SLC1A2: variants seen among roughly 807,000 people sequenced by gnomAD.
The protein encoded by SLC1A2 is solute carrier family 1 member 2, also known as excitatory amino acid transporter 2.
SLC1A2 carries 15 observed loss-of-function variants against 48.8 expected under a neutral mutation model. That is an observed-to-expected ratio of 0.31 (90% CI 0.21 to 0.47). SLC1A2 has a LOEUF of 0.47. Among genes scored for constraint, SLC1A2 ranks in the 20% least tolerant of loss-of-function variants. SLC1A2 has a pLI of 0.99. For missense variants in SLC1A2, 502 were observed against 730.5 expected, an observed-to-expected ratio of 0.69 and a Z score of 3.61; for synonymous variants, 279 against 272.6, an observed-to-expected ratio of 1.02 and a Z score of -0.23.
At chr11:35,306,021 G>A in intron 5 of SLC1A2, 53 bp downstream of exon 5, 1 of 1,553,368 alleles carries the variant, frequency 6.4e-7, no homozygotes, top group Non-Finnish European at 8.9e-7. Context: ...GGGAGTGCAG[G>A]ATAGCCCAGC....
Position 35,419,061 on chromosome 11 carries a change from G to T in SLC1A2, c.-95C>A. ...GGGTGAGCGCGAAGTGCGGCCGGGA[G>T]CGGTATTTAAGAGGAGCCTCTGCCC... On this transcript the variant is annotated 5_prime_UTR_variant, in exon 1 of 11. Coordinates refer to ENST00000278379, the MANE Select transcript of SLC1A2 (RefSeq NM_004171.4). The surrounding 1 kb of genome is among the most constrained non-coding windows in gnomAD (Gnocchi z 5.4). 8.2e-7 allele frequency: 1 copy of T among 1,226,254 alleles called. No homozygotes were observed. The highest frequency in any genetic ancestry group is 1.2e-6 in the Non-Finnish European group (1 of 862,608). The allele number at this position is 1,226,254 out of a possible 1,614,324, so 76.0% of individuals were successfully genotyped here.
intron 1 of SLC1A2, among the ~76,000 whole-genome samples, chr11:35,330,161 C>T (rs528012222): frequency 2.0e-5 from 3 of 152,306 alleles, no homozygotes; most frequent in African/African-American, 7.2e-5. Flanking sequence ...GAAGTTTCTG[C>T]TCAGGGTTTT....
In SLC1A2 at chr11:35,364,328, C is replaced by T. The variant is rs1590231768; in HGVS notation, c.18-46812G>A. Among the ~76,000 whole-genome samples the T allele has an allele frequency of 2.6e-5, 4 of 152,206 alleles. No homozygotes were observed. In the East Asian group the frequency reaches 7.7e-4, roughly 29 times the overall value. Reference sequence around the variant, plus strand: ...GATTCATCATCTACCCATGTAGACTCACACTGAGAAGCCAGCTCAGATACT... The same window carrying T: ...GATTCATCATCTACCCATGTAGACTTACACTGAGAAGCCAGCTCAGATACT... On this transcript the variant is annotated intron_variant, in intron 1 of 10. Coordinates refer to ENST00000278379, the MANE Select transcript of SLC1A2 (RefSeq NM_004171.4).
intron 1 of SLC1A2, among the ~76,000 whole-genome samples, chr11:35,368,875 G>GTCT (rs1386262742): frequency 2.2e-4 from 34 of 152,322 alleles, no homozygotes; most frequent in Admixed American, 2.2e-3. Flanking sequence ...CAGAGGTCTT[G>GTCT]TCTAGCACCA....
At chr11:35,291,641 T>A (rs1293004110) in intron 7 of SLC1A2, 3 of 152,614 alleles carry the variant, frequency 2.0e-5, no homozygotes, top group Non-Finnish European at 4.4e-5. Flanking sequence ...AAGATGATAG[T>A]CCAAAAAATG....
intron 4 of SLC1A2, among the ~76,000 whole-genome samples, chr11:35,309,733 C>G (rs1369213554): frequency 6.6e-6 from 1 of 152,214 alleles, no homozygotes; most frequent in African/African-American, 2.4e-5. Context: ...CGCACCCTTT[C>G]TCTCTGGAAA....
At chr11:35,285,735 G>A (rs1303422619) in intron 8 of SLC1A2, 2 of 152,238 alleles carry the variant, frequency 1.3e-5, no homozygotes, top group East Asian at 1.9e-4. Flanking sequence ...TGTCTCATAA[G>A]AGGATGAAAT....
At chr11:35,261,569 C>T (rs1950394238) in intron 10 of SLC1A2, 2 of 397,378 alleles carry the variant, frequency 5.0e-6, no homozygotes, top group Non-Finnish European at 8.9e-6. Flanking sequence ...GATAAAATTA[C>T]CAGACCATCT....
At chr11:35,366,348 TTGTC>T (rs1388491338) in intron 1 of SLC1A2, among the ~76,000 whole-genome samples, 25 of 152,158 alleles carry the variant, frequency 1.6e-4, no homozygotes, top group African/African-American at 5.5e-4. Context: ...ATCTATCTCT[TTGTC>T]TGAGTGCTTT....
At chr11:35,265,451 C>T (rs538872601) in intron 10 of SLC1A2, 76 bp downstream of exon 10, 114 of 722,404 alleles carry the variant, frequency 1.6e-4, no homozygotes, top group African/African-American at 1.5e-3. Context: ...CAGGGCTTTA[C>T]GGTTTTTTTT....
At chr11:35,304,014 C>T (rs1293341648) in intron 5 of SLC1A2, among the ~76,000 whole-genome samples, 1 of 152,148 alleles carries the variant, frequency 6.6e-6, no homozygotes. Flanking sequence ...TCTAACTTCC[C>T]TTGGCTTTCC....
intron 1 of SLC1A2, among the ~76,000 whole-genome samples, chr11:35,377,815 G>A (rs1042857558): frequency 4.6e-5 from 7 of 152,292 alleles, no homozygotes; most frequent in South Asian, 4.1e-4. Flanking sequence ...AGAAAGAAAC[G>A]TTTTTGTTTT....
intron 3 of SLC1A2, among the ~76,000 whole-genome samples, chr11:35,313,731 G>A (rs1235535507): frequency 6.6e-6 from 1 of 152,086 alleles, no homozygotes; most frequent in African/African-American, 2.4e-5. Context: ...GTTTATAGAG[G>A]AGCACTGATG....
intron 8 of SLC1A2, among the ~76,000 whole-genome samples, chr11:35,282,338 C>T (rs1462450688): frequency 6.6e-6 from 1 of 152,184 alleles, no homozygotes; most frequent in Non-Finnish European, 1.5e-5. Context: ...AATTCCAGCT[C>T]TGCCACTTAA....
At chr11:35,307,268 C>T (rs1851542270) in intron 4 of SLC1A2, 1 of 152,248 alleles carries the variant, frequency 6.6e-6, no homozygotes, top group Admixed American at 6.5e-5. Context: ...TGCCAGCTGC[C>T]AGCAGCCACC....
intron 1 of SLC1A2, among the ~76,000 whole-genome samples, chr11:35,389,452 C>CCTTCTCCTTCTT (rs141467812): frequency 0.12 from 18,087 of 150,362 alleles, 1,248 homozygotes; most frequent in Middle Eastern, 0.21. Flanking sequence ...TTCTCCTTCT[C>CCTTCTCCTTCTT]CTTCTTCTTC....
chr11:35,334,938 G>A (rs1393155195), intron 1 of SLC1A2, among the ~76,000 whole-genome samples: 1 of 152,156 alleles, frequency 6.6e-6, no homozygotes, highest in Non-Finnish European at 1.5e-5. Flanking sequence ...TTTTACAGAT[G>A]AGAAAGCAAA....
intron 1 of SLC1A2, chr11:35,360,106 C>T: frequency 1.0e-6 from 1 of 985,042 alleles, no homozygotes; most frequent in Non-Finnish European, 1.2e-6. Flanking sequence ...CTGTGCCTTC[C>T]ATCACAGTCC....
At chr11:35,374,203 T>G (rs1590242380) in intron 1 of SLC1A2, 2 of 523,222 alleles carry the variant, frequency 3.8e-6, no homozygotes, top group East Asian at 1.1e-4. Flanking sequence ...TCCCTCGCTC[T>G]GTGACTTGCT....
Sources: allele counts gnomAD v4.1 joint callset (sites outside exome capture counted in the v4.1 genomes callset), GRCh38; gene constraint gnomAD v4.1.1; non-coding constraint Gnocchi (gnomAD v3.1); transcripts MANE v1.5; gene names NCBI Gene and HGNC (gene_info 2026-07-23, HGNC 2026-07-21).